The following ATP1B3 variants were observed in gnomAD, a reference collection of about 807,000 sequenced individuals.
The protein encoded by ATP1B3 is sodium/potassium-transporting ATPase subunit beta-3.
Under a neutral mutation model 30.2 loss-of-function variants are expected in ATP1B3, and 10 were observed. The observed-to-expected ratio is 0.33, with a 90% CI of 0.20 to 0.56. The LOEUF (loss-of-function observed/expected upper bound fraction) is 0.56, where lower values mean the gene tolerates loss of function less well. Ranked by LOEUF, ATP1B3 falls within the 20% of genes least tolerant of loss-of-function variation. The pLI, the probability that ATP1B3 is intolerant of heterozygous loss-of-function variation, is 0.90. For synonymous variants in ATP1B3, 113 were observed against 117.0 expected, an observed-to-expected ratio of 0.97 and a Z score of 0.22; for missense variants, 238 against 336.7, an observed-to-expected ratio of 0.71 and a Z score of 2.29.
At chr3:141,919,275 CT>C (rs34441912) in intron 5 of ATP1B3, among the ~76,000 whole-genome samples, 104 of 128,572 alleles carry the variant, frequency 8.1e-4, no homozygotes, top group African/African-American at 2.0e-3. Context: ...CTTGGAGGTG[CT>C]TTTTTTTTTT....
chr3:141,890,729 C>T (rs1012402561), intron 1 of ATP1B3, among the ~76,000 whole-genome samples: 4 of 150,696 alleles, frequency 2.7e-5, no homozygotes, highest in South Asian at 4.2e-4. Flanking sequence ...TGAGCCACCA[C>T]GCCCACCTAA....
At chr3:141,910,743 A>G (rs1305103188) in intron 3 of ATP1B3, among the ~76,000 whole-genome samples, 1 of 150,276 alleles carries the variant, frequency 6.7e-6, no homozygotes, top group Admixed American at 6.6e-5. Context: ...CACTTTCTTT[A>G]GTTGGACCCA....
intron 2 of ATP1B3, among the ~76,000 whole-genome samples, chr3:141,906,179 A>G (rs967315500): frequency 4.6e-5 from 7 of 151,850 alleles, no homozygotes; most frequent in Non-Finnish European, 8.8e-5. Context: ...ATCTAGATCT[A>G]ATGCTTTTTT....
intron 1 of ATP1B3, among the ~76,000 whole-genome samples, chr3:141,902,690 C>G (rs1412618266): frequency 6.6e-6 from 1 of 152,156 alleles, no homozygotes; most frequent in Non-Finnish European, 1.5e-5. Context: ...AATGTTGAAA[C>G]GTGTGTCTCC....
chr3:141,902,039 C>T (rs1934172998), intron 1 of ATP1B3: 2 of 904,828 alleles, frequency 2.2e-6, no homozygotes, highest in African/African-American at 3.4e-5. Context: ...TCTTCTGTAT[C>T]TTATTAAACT....
chr3:141,924,604 G>C (rs921858875), intron 6 of ATP1B3, among the ~76,000 whole-genome samples: 2 of 152,036 alleles, frequency 1.3e-5, no homozygotes, highest in Non-Finnish European at 2.9e-5. Flanking sequence ...AGCTGAGATG[G>C]TGCCACTGCA....
chr3:141,902,102 T>A (rs759001463), intron 1 of ATP1B3: 44 of 1,277,150 alleles, frequency 3.4e-5, no homozygotes, highest in Non-Finnish European at 4.5e-5. Context: ...ACTGTTTACT[T>A]CTTTGAGATT....
At position 141,921,216 on chromosome 3, in the gene ATP1B3, T is replaced by C. The variant is rs557982789; in HGVS notation, c.583-761T>C. Among the ~76,000 whole-genome samples, 6 of 152,318 alleles carry C rather than the reference T, an allele frequency of 3.9e-5. No homozygotes were observed. In the South Asian group the frequency reaches 1.2e-3, roughly 32 times the overall value. ...GTTACACTCATTAGAATTAGGCCCATTTAGAAAGTGTTACATGTGAATTTT... is the reference window on the plus strand; with the variant it reads ...GTTACACTCATTAGAATTAGGCCCACTTAGAAAGTGTTACATGTGAATTTT... On this transcript the variant is annotated intron_variant, in intron 5 of 6. Transcript: ENST00000286371.
intron 6 of ATP1B3, among the ~76,000 whole-genome samples, chr3:141,924,839 C>G (rs1164867071): frequency 1.3e-5 from 2 of 149,674 alleles, no homozygotes; most frequent in Admixed American, 6.6e-5. Flanking sequence ...TGTAATCCCA[C>G]CTACTTGGGA....
chr3:141,918,842 C>G (rs563030643), intron 5 of ATP1B3: 3 of 152,290 alleles, frequency 2.0e-5, no homozygotes, highest in South Asian at 2.1e-4. Flanking sequence ...TTTAATGATT[C>G]GGATTTCAGT....
At chr3:141,896,407 G>T (rs1428759985) in intron 1 of ATP1B3, among the ~76,000 whole-genome samples, 1 of 152,102 alleles carries the variant, frequency 6.6e-6, no homozygotes, top group Admixed American at 6.5e-5. Flanking sequence ...TGTAGTCCTA[G>T]CTACTGGGGA....
At chr3:141,912,266 CTTAT>C (rs144027846) in intron 3 of ATP1B3, among the ~76,000 whole-genome samples, 3 of 150,366 alleles carry the variant, frequency 2.0e-5, no homozygotes, top group East Asian at 1.9e-4. Context: ...AAATTTGGTT[CTTAT>C]TTATTTATTT....
chr3:141,913,522 C>T, intron 3 of ATP1B3, 130 bp from the exon 4 acceptor site: 1 of 753,556 alleles, frequency 1.3e-6, no homozygotes, highest in African/African-American at 1.8e-5. Flanking sequence ...ACATTCTTTC[C>T]CTAAAGTTAT....
intron 1 of ATP1B3, among the ~76,000 whole-genome samples, chr3:141,896,805 C>T (rs77105644): frequency 0.011 from 1,605 of 152,184 alleles, 16 homozygotes; most frequent in Non-Finnish European, 0.016. Flanking sequence ...GTTCTATTTG[C>T]TGATACAGCC....
At chr3:141,892,573 G>A (rs1392574260) in intron 1 of ATP1B3, among the ~76,000 whole-genome samples, 1 of 140,092 alleles carries the variant, frequency 7.1e-6, no homozygotes. Context: ...CACAAATATT[G>A]CTTGAACTGG....
chr3:141,921,495 T>C (rs1258240959), intron 5 of ATP1B3: 1 of 152,276 alleles, frequency 6.6e-6, no homozygotes, highest in East Asian at 1.9e-4. Flanking sequence ...ATTAATCACA[T>C]GAAACTCACA....
intron 1 of ATP1B3, among the ~76,000 whole-genome samples, chr3:141,878,967 C>T (rs1023188197): frequency 3.3e-5 from 5 of 152,174 alleles, no homozygotes; most frequent in Non-Finnish European, 7.3e-5. Context: ...GAAGGGGCAC[C>T]TTGTTCTAAT....
chr3:141,902,279 C>T lies in ATP1B3; in HGVS notation c.110-1341C>T, dbSNP rs918313631. On this transcript the variant is annotated intron_variant, in intron 1 of 6. Transcript: ENST00000286371. ...TAGTCTAAATTATAAAATGAAATTG[C>T]TTTAACTATTTCCCCTTTACTTGAA... is the stretch of plus-strand genomic sequence containing the variant. The T allele has an allele frequency of 8.3e-6, 10 of 1,199,304 alleles. No individual in the cohort carries two copies. In the African/African-American group the frequency reaches 1.6e-4, roughly 19 times the overall value. 74.3% of individuals were successfully genotyped at this position (1,199,304 alleles called of 1,614,324 possible). A position where few individuals can be genotyped will look rare whatever the true frequency, so the allele number is the denominator to read the frequency against.
At chr3:141,884,980 T>A (rs2107764095) in intron 1 of ATP1B3, among the ~76,000 whole-genome samples, 1 of 152,314 alleles carries the variant, frequency 6.6e-6, no homozygotes, top group East Asian at 1.9e-4. Flanking sequence ...AGTTGCTTTC[T>A]GCATATCCCA....
Sources: allele counts gnomAD v4.1 joint callset (sites outside exome capture counted in the v4.1 genomes callset), GRCh38; gene constraint gnomAD v4.1.1; transcripts MANE v1.5; gene names NCBI Gene and HGNC (gene_info 2026-07-23, HGNC 2026-07-21).